The following ELP4 variants were observed in gnomAD, a reference collection of about 807,000 sequenced individuals.
ELP4 encodes the protein elongator complex protein 4.
Under a neutral mutation model 48.9 loss-of-function variants are expected in ELP4, and 51 were observed. The ratio of observed to expected loss-of-function variants is 1.04; its 90% confidence interval spans 0.83 to 1.32. The LOEUF (loss-of-function observed/expected upper bound fraction) is 1.32, where lower values mean the gene tolerates loss of function less well. ELP4 is among the 40% of genes most tolerant of loss of function. ELP4 has a pLI of 0.00. For missense variants in ELP4, 519 were observed against 514.6 expected, an observed-to-expected ratio of 1.01 and a Z score of -0.08; for synonymous variants, 210 against 189.2, an observed-to-expected ratio of 1.11 and a Z score of -0.90.
intron 9 of ELP4, among the ~76,000 whole-genome samples, chr11:31,704,841 T>C (rs1378421315): frequency 6.6e-6 from 1 of 151,504 alleles, no homozygotes; most frequent in African/African-American, 2.4e-5. Flanking sequence ...TGGAACCCCG[T>C]CTCTACTAAA....
chr11:31,546,224 T>C (rs1016766616), intron 3 of ELP4, among the ~76,000 whole-genome samples: 2 of 152,156 alleles, frequency 1.3e-5, no homozygotes, highest in Admixed American at 6.5e-5. Context: ...ATCAGTGTGC[T>C]GTATTCAGGA....
chr11:31,609,667 A>G (rs554244008), intron 5 of ELP4, among the ~76,000 whole-genome samples: 1 of 152,258 alleles, frequency 6.6e-6, no homozygotes, highest in East Asian at 1.9e-4. Flanking sequence ...CTTGGGAGAT[A>G]ACATTTTATT....
At chr11:31,643,396 ATAAT>A (rs1249655039) in intron 7 of ELP4, among the ~76,000 whole-genome samples, 1 of 151,842 alleles carries the variant, frequency 6.6e-6, no homozygotes, top group Non-Finnish European at 1.5e-5. Context: ...AAGCTTCTTG[ATAAT>A]TAAGTTATTG....
chr11:31,749,672 T>C (rs1424573796), intron 9 of ELP4, among the ~76,000 whole-genome samples: 1 of 151,940 alleles, frequency 6.6e-6, no homozygotes, highest in African/African-American at 2.4e-5. Context: ...AAGAAAGGAA[T>C]TGTGGGAGAA....
chr11:31,659,683 T>C (rs1305264195), intron 9 of ELP4, among the ~76,000 whole-genome samples: 1 of 152,096 alleles, frequency 6.6e-6, no homozygotes, highest in Non-Finnish European at 1.5e-5. Context: ...TATATTTTAC[T>C]ACGATTAAAG....
chr11:31,573,882 A>C (rs546347402), intron 3 of ELP4, among the ~76,000 whole-genome samples: 18 of 151,728 alleles, frequency 1.2e-4, no homozygotes, highest in African/African-American at 4.4e-4. Flanking sequence ...TATCTCATTT[A>C]AACTTAGATA....
intron 2 of ELP4, among the ~76,000 whole-genome samples, chr11:31,538,360 A>C (rs1225007966): frequency 4.0e-5 from 6 of 148,310 alleles, no homozygotes. Flanking sequence ...TTACTATATA[A>C]TAGTTATATA....
At chr11:31,515,296 A>G (rs1956091111) in intron 1 of ELP4, among the ~76,000 whole-genome samples, 2 of 152,108 alleles carry the variant, frequency 1.3e-5, no homozygotes, top group Non-Finnish European at 2.9e-5. Context: ...AAATGATTTT[A>G]ATATGTCCCC....
chr11:31,679,014 A>C lies in ELP4; in HGVS notation c.1143+28793A>C, dbSNP rs1945999416. Among the ~76,000 whole-genome samples the C allele has an allele frequency of 2.6e-5, 4 of 152,328 alleles. No homozygotes were observed. The South Asian group carries it at 8.3e-4, about 32-fold the overall frequency. On this transcript the variant is annotated intron_variant, in intron 9 of 9. Coordinates refer to ENST00000640961, the MANE Select transcript of ELP4 (RefSeq NM_019040.5). ...TGTTTTAGTTTGCAATTTTCTGGAC[A>C]TATGATATGAAACTTCTTTTTATAT...
At chr11:31,728,679 T>G (rs557277170) in intron 9 of ELP4, among the ~76,000 whole-genome samples, 1 of 152,210 alleles carries the variant, frequency 6.6e-6, no homozygotes, top group African/African-American at 2.4e-5. Context: ...CAAACCCAGC[T>G]CCCTTCACTT....
At chr11:31,575,404 G>A (rs1265136899) in intron 3 of ELP4, among the ~76,000 whole-genome samples, 1 of 152,080 alleles carries the variant, frequency 6.6e-6, no homozygotes, top group Non-Finnish European at 1.5e-5. Context: ...AATCTAGCAA[G>A]GCAGGCCAAC....
intron 9 of ELP4, among the ~76,000 whole-genome samples, chr11:31,668,979 C>T (rs989271974): frequency 6.6e-6 from 1 of 152,028 alleles, no homozygotes; most frequent in Non-Finnish European, 1.5e-5. Flanking sequence ...CTGCCTGCCT[C>T]CCCAGCCTCA....
intron 3 of ELP4, among the ~76,000 whole-genome samples, chr11:31,575,594 G>T (rs988889018): frequency 1.3e-5 from 2 of 152,158 alleles, no homozygotes; most frequent in Non-Finnish European, 2.9e-5. Flanking sequence ...CTGATCTCTC[G>T]GCAGACATTC....
At chr11:31,735,047 T>A (rs1947277261) in intron 9 of ELP4, among the ~76,000 whole-genome samples, 1 of 150,340 alleles carries the variant, frequency 6.7e-6, no homozygotes, top group Non-Finnish European at 1.5e-5. Context: ...AGCCCAGAAA[T>A]AAATGCACAA....
At chr11:31,605,466 A>G (rs1004963409) in intron 5 of ELP4, among the ~76,000 whole-genome samples, 1 of 152,132 alleles carries the variant, frequency 6.6e-6, no homozygotes, top group Non-Finnish European at 1.5e-5. Context: ...ATAATAGTAA[A>G]GAGTGGAACC....
At chr11:31,561,503 G>A (rs1957024299) in intron 3 of ELP4, among the ~76,000 whole-genome samples, 2 of 152,040 alleles carry the variant, frequency 1.3e-5, no homozygotes, top group South Asian at 4.2e-4. Context: ...GTGCAGTGGT[G>A]CAATCGCAGC....
chr11:31,607,340 TC>T (rs1957894923), intron 5 of ELP4, among the ~76,000 whole-genome samples: 1 of 152,210 alleles, frequency 6.6e-6, no homozygotes, highest in African/African-American at 2.4e-5. Flanking sequence ...GAACTTTCTA[TC>T]CTCCAGATCT....
chr11:31,663,714 C>G (rs1055505047), intron 9 of ELP4: 1 of 151,692 alleles, frequency 6.6e-6, no homozygotes, highest in Non-Finnish European at 1.5e-5. Context: ...ATTTCTTAGA[C>G]AAGTAAACAA....
At chr11:31,720,056 G>C (rs1946928507) in intron 9 of ELP4, 3 of 150,646 alleles carry the variant, frequency 2.0e-5, no homozygotes, top group Admixed American at 2.0e-4. Context: ...ACATAGTTTT[G>C]GTGAAGTGAA....
Sources: gnomAD v4.1 joint callset for allele counts (sites outside exome capture counted in the v4.1 genomes callset) on GRCh38, gnomAD v4.1.1 for gene constraint, MANE v1.5 for transcripts, NCBI Gene and HGNC (gene_info 2026-07-23, HGNC 2026-07-21) for gene names.